ADCY2: variants seen among roughly 807,000 people sequenced by gnomAD.
ADCY2 encodes adenylate cyclase type 2.
A neutral mutation model predicts 125.2 loss-of-function variants in ADCY2; 31 were observed. That is an observed-to-expected ratio of 0.25 (90% CI 0.19 to 0.33). ADCY2 has a LOEUF of 0.33. ADCY2 is among the 10% of genes least tolerant of loss of function. The pLI, the probability that ADCY2 is intolerant of heterozygous loss-of-function variation, is 1.00. For missense variants in ADCY2, 904 were observed against 1,418.2 expected, an observed-to-expected ratio of 0.64 and a Z score of 5.82; for synonymous variants, 512 against 548.4, an observed-to-expected ratio of 0.93 and a Z score of 0.93.
chr5:7,765,967 A>T (rs1743363091), intron 16 of ADCY2, among the ~76,000 whole-genome samples: 1 of 152,130 alleles, frequency 6.6e-6, no homozygotes, highest in Non-Finnish European at 1.5e-5. Flanking sequence ...GAGAGAGAGA[A>T]AAAGAGAGAT....
At chr5:7,427,058 A>T (rs778689555) in intron 2 of ADCY2, among the ~76,000 whole-genome samples, 3 of 152,198 alleles carry the variant, frequency 2.0e-5, no homozygotes, top group Non-Finnish European at 4.4e-5. Flanking sequence ...TGAGGCCAGA[A>T]ATCTGAAATT....
chr5:7,565,019 T>C (rs535850751), intron 3 of ADCY2, among the ~76,000 whole-genome samples: 8 of 152,364 alleles, frequency 5.3e-5, no homozygotes, highest in African/African-American at 1.9e-4. Flanking sequence ...GTCATCACTT[T>C]ATTTATCACT....
At chr5:7,506,516 A>T (rs577542698) in intron 2 of ADCY2, among the ~76,000 whole-genome samples, 1 of 152,284 alleles carries the variant, frequency 6.6e-6, no homozygotes, top group East Asian at 1.9e-4. Flanking sequence ...TTGCCCGAGA[A>T]AAAAATGGTT....
At chr5:7,796,378 T>G (rs1264488979) in intron 20 of ADCY2, 1 of 152,198 alleles carries the variant, frequency 6.6e-6, no homozygotes, top group African/African-American at 2.4e-5. Flanking sequence ...GAACAATGCT[T>G]GGAAAATGGC....
intron 2 of ADCY2, among the ~76,000 whole-genome samples, chr5:7,436,722 G>A (rs1206116055): frequency 2.0e-5 from 3 of 152,218 alleles, no homozygotes; most frequent in Non-Finnish European, 4.4e-5. Flanking sequence ...ACGCATCATC[G>A]CGGCACTCTT....
intron 5 of ADCY2, 92 bp downstream of exon 5, chr5:7,690,931 T>G: frequency 7.4e-7 from 1 of 1,346,612 alleles, no homozygotes; most frequent in Non-Finnish European, 9.8e-7. Context: ...TCACCATCTC[T>G]CCTTTGTGAC....
At chr5:7,739,714 T>A (rs1269430032) in intron 14 of ADCY2, among the ~76,000 whole-genome samples, 1 of 151,608 alleles carries the variant, frequency 6.6e-6, no homozygotes, top group African/African-American at 2.4e-5. Flanking sequence ...GCACCCAAAC[T>A]AACAATTTAA....
intron 10 of ADCY2, among the ~76,000 whole-genome samples, chr5:7,711,371 T>C (rs1741435169): frequency 6.6e-6 from 1 of 152,200 alleles, no homozygotes; most frequent in Admixed American, 6.5e-5. Context: ...TCTTGCTAGT[T>C]AGTGCTGTGT....
At position 7,717,102 on chromosome 5, in the gene ADCY2, T is replaced by G. The variant is rs968844595; in HGVS notation, c.1623-55T>G. 1.4e-5 allele frequency: 17 copies of G among 1,243,144 alleles called. No individual in the cohort carries two copies. In the South Asian group the frequency reaches 2.1e-4, roughly 16 times the overall value. 77.0% of individuals were successfully genotyped at this position (1,243,144 alleles called of 1,614,324 possible). On this transcript the variant is annotated intron_variant, in intron 11 of 24. Coordinates refer to ENST00000338316, the MANE Select transcript of ADCY2 (RefSeq NM_020546.3). ...ATTATGTATCTCTAAAAAATTGGCT[T>G]AATATTTATTTTACTAATAATATCC... is the stretch of plus-strand genomic sequence containing the variant.
chr5:7,742,021 A>G (rs542292752), intron 14 of ADCY2, among the ~76,000 whole-genome samples: 9 of 151,998 alleles, frequency 5.9e-5, no homozygotes, highest in African/African-American at 1.4e-4. Context: ...TTCAGTATTT[A>G]AACAGTTTGG....
At chr5:7,489,655 G>A (rs1011485357) in intron 2 of ADCY2, among the ~76,000 whole-genome samples, 8 of 152,186 alleles carry the variant, frequency 5.3e-5, no homozygotes, top group African/African-American at 1.9e-4. Flanking sequence ...CGAACTGTGA[G>A]TAAATTAAAC....
chr5:7,527,903 G>T (rs537103702), intron 3 of ADCY2, among the ~76,000 whole-genome samples: 356 of 152,266 alleles, frequency 2.3e-3, no homozygotes, highest in Non-Finnish European at 3.6e-3. Context: ...CCAGCTGCCC[G>T]GTTTCTGGCT....
intron 4 of ADCY2, among the ~76,000 whole-genome samples, chr5:7,667,592 G>A (rs1326041176): frequency 2.0e-5 from 3 of 152,068 alleles, no homozygotes; most frequent in Non-Finnish European, 4.4e-5. Context: ...TCTGTCTGTC[G>A]GAATGAATAC....
At chr5:7,440,604 C>T (rs559867776) in intron 2 of ADCY2, among the ~76,000 whole-genome samples, 1 of 152,228 alleles carries the variant, frequency 6.6e-6, no homozygotes, top group Non-Finnish European at 1.5e-5. Context: ...TCCAGAGTCC[C>T]CCAAACACCA....
At chr5:7,530,733 C>T (rs1223783583) in intron 3 of ADCY2, among the ~76,000 whole-genome samples, 2 of 152,088 alleles carry the variant, frequency 1.3e-5, no homozygotes, top group African/African-American at 4.8e-5. Flanking sequence ...CCTCTGTGGA[C>T]CCTTCAGTAG....
chr5:7,459,457 C>A lies in ADCY2; in HGVS notation c.408+44687C>A, dbSNP rs1741830622. 2.6e-5 allele frequency among the ~76,000 whole-genome samples: 4 copies of A among 152,162 alleles called. No homozygotes were observed. In the South Asian group the frequency reaches 8.3e-4, roughly 31 times the overall value. ...CACATTCTGATGGTTAACATCAAACCCACAGCTCACGTTTCGAAGACAGTT... is the reference window on the plus strand; with the variant it reads ...CACATTCTGATGGTTAACATCAAACACACAGCTCACGTTTCGAAGACAGTT... On this transcript the variant is annotated intron_variant, in intron 2 of 24. Transcript: ENST00000338316.
chr5:7,508,046 T>A (rs1743909491), intron 2 of ADCY2, among the ~76,000 whole-genome samples: 1 of 152,208 alleles, frequency 6.6e-6, no homozygotes, highest in Non-Finnish European at 1.5e-5. Context: ...ATATTTCACT[T>A]TTTTCAGTTC....
At chr5:7,780,992 T>C (rs1019921895) in intron 18 of ADCY2, among the ~76,000 whole-genome samples, 1 of 152,184 alleles carries the variant, frequency 6.6e-6, no homozygotes, top group African/African-American at 2.4e-5. Context: ...GTCCCCAGTG[T>C]CTGATTTTTA....
intron 4 of ADCY2, among the ~76,000 whole-genome samples, chr5:7,666,747 G>A (rs1450381307): frequency 1.3e-5 from 2 of 152,208 alleles, no homozygotes; most frequent in Non-Finnish European, 2.9e-5. Context: ...CTACGGCTCT[G>A]TGCTCAGTTG....
Sources: allele counts gnomAD v4.1 joint callset (sites outside exome capture counted in the v4.1 genomes callset), GRCh38; gene constraint gnomAD v4.1.1; transcripts MANE v1.5; gene names NCBI Gene and HGNC (gene_info 2026-07-23, HGNC 2026-07-21).